Variants in MOK observed in about 807,000 individuals in gnomAD.
The protein encoded by MOK is MAPK/MAK/MRK overlapping kinase.
MOK carries 59 observed loss-of-function variants against 54.2 expected under a neutral mutation model. The ratio of observed to expected loss-of-function variants is 1.09; its 90% CI spans 0.88 to 1.35. MOK has a LOEUF of 1.35. MOK is among the 40% of genes most tolerant of loss of function. The pLI is 0.00. For synonymous variants in MOK, 210 were observed against 202.7 expected, an observed-to-expected ratio of 1.04 and a Z score of -0.31; for missense variants, 517 against 526.2, an observed-to-expected ratio of 0.98 and a Z score of 0.17.
intron 1 of MOK, among the ~76,000 whole-genome samples, chr14:102,286,324 A>G (rs2070086998): frequency 7.3e-6 from 1 of 137,782 alleles, no homozygotes; most frequent in Admixed American, 7.4e-5. Flanking sequence ...AAAAAAAAAA[A>G]AGATGTGCAT....
At position 102,256,241 on chromosome 14, in the gene MOK, C is replaced by T. The variant is rs1032099043; in HGVS notation, c.284-4246G>A. ...CCTCCTGAGTAGTTGGGTCTACAGG[C>T]GTGTGCCACCACACCCGGATGCTTT... is the stretch of plus-strand genomic sequence containing the variant. On this transcript the variant is annotated intron_variant, in intron 4 of 11. Coordinates refer to ENST00000361847, the MANE Select transcript of MOK (RefSeq NM_014226.3). 8.6e-5 allele frequency among the ~76,000 whole-genome samples: 13 copies of T among 151,938 alleles called. No individual in the cohort carries two copies. The South Asian group carries it at 1.9e-3, about 22-fold the overall frequency.
intron 1 of MOK, among the ~76,000 whole-genome samples, chr14:102,288,237 G>C (rs1369433183): frequency 6.6e-6 from 1 of 152,192 alleles, no homozygotes; most frequent in Non-Finnish European, 1.5e-5. Context: ...GTAAGTGAAT[G>C]TTCACAGTAG....
intron 1 of MOK, among the ~76,000 whole-genome samples, chr14:102,292,197 G>C (rs1228467150): frequency 6.6e-6 from 1 of 151,816 alleles, no homozygotes; most frequent in Non-Finnish European, 1.5e-5. Flanking sequence ...ACATAGGCCG[G>C]GTGCGGTGGC....
the MOK span, among the ~76,000 whole-genome samples, chr14:102,217,651 G>A: frequency 6.6e-6 from 1 of 152,238 alleles, no homozygotes; most frequent in Non-Finnish European, 1.5e-5. Context: ...TGCCGCTTGT[G>A]TGATGTAGAG....
At chr14:102,242,857 C>G (rs1036015840) in intron 7 of MOK, among the ~76,000 whole-genome samples, 1 of 152,172 alleles carries the variant, frequency 6.6e-6, no homozygotes, top group African/African-American at 2.4e-5. Context: ...ACCCATTATT[C>G]TGTTCTGGGT....
At chr14:102,259,699 C>A (rs1300856638) in intron 4 of MOK, among the ~76,000 whole-genome samples, 2 of 152,096 alleles carry the variant, frequency 1.3e-5, no homozygotes, top group Non-Finnish European at 2.9e-5. Context: ...TAACCTTGGA[C>A]AAGCAACTTA....
intron 2 of MOK, among the ~76,000 whole-genome samples, chr14:102,268,663 C>A (rs1468135877): frequency 2.0e-5 from 3 of 152,104 alleles, no homozygotes; most frequent in Non-Finnish European, 4.4e-5. Flanking sequence ...TGCCTGTAAT[C>A]CCAGCACTTT....
At chr14:102,237,522 C>T (rs1040131197) in intron 7 of MOK, among the ~76,000 whole-genome samples, 2 of 152,274 alleles carry the variant, frequency 1.3e-5, no homozygotes, top group Admixed American at 1.3e-4. Context: ...CCAACTTTGC[C>T]CTCCTAGCTC....
intron 4 of MOK, among the ~76,000 whole-genome samples, chr14:102,255,689 G>C (rs915920489): frequency 2.0e-5 from 3 of 152,126 alleles, no homozygotes; most frequent in African/African-American, 7.2e-5. Flanking sequence ...AACTTTCCGG[G>C]CCCAAGACTA....
intron 2 of MOK, among the ~76,000 whole-genome samples, chr14:102,267,545 AACAGAGTGAG>A (rs2153141595): frequency 6.6e-6 from 1 of 152,326 alleles, no homozygotes; most frequent in Admixed American, 6.5e-5. Context: ...CAGCCTGGGC[AACAGAGTGAG>A]ACTCCATCTC....
chr14:102,272,907 C>T (rs1169400508), intron 2 of MOK, among the ~76,000 whole-genome samples: 1 of 152,234 alleles, frequency 6.6e-6, no homozygotes, highest in Admixed American at 6.5e-5. Flanking sequence ...CACAGTGGCT[C>T]ACGCCTGTAA....
chr14:102,224,128 G>A (rs575733030), downstream of MOK, among the ~76,000 whole-genome samples: 4 of 144,306 alleles, frequency 2.8e-5, no homozygotes, highest in East Asian at 2.1e-4. Context: ...TGCAAGCTCC[G>A]CCTCCCGGGT....
chr14:102,250,760 C>G lies in MOK; in HGVS notation c.590+52G>C, dbSNP rs185364706. The G allele has an allele frequency of 7.6e-4, 1,196 of 1,568,302 alleles. 10 individuals carry two copies. In the African/African-American group the frequency reaches 0.014, roughly 19 times the overall value. On this transcript the variant is annotated intron_variant, in intron 7 of 11. Coordinates refer to ENST00000361847, the MANE Select transcript of MOK (RefSeq NM_014226.3). ...TGTAAAGGAAGGAGCACGAGCCTGGCTGCTGCACCGCTCCGCCGCAGGAAC... is the reference window on the plus strand; with the variant it reads ...TGTAAAGGAAGGAGCACGAGCCTGGGTGCTGCACCGCTCCGCCGCAGGAAC...
chr14:102,226,206 G>T, downstream of MOK: 1 of 622,006 alleles, frequency 1.6e-6, no homozygotes, highest in Non-Finnish European at 2.9e-6. This position sits in a 1 kb window ranked among gnomAD's most constrained non-coding sequence, Gnocchi z 4.8. Context: ...CCAGTGTGGG[G>T]TGTGACTGGG....
chr14:102,274,903 A>C lies in MOK; in HGVS notation c.122+8575T>G, dbSNP rs1301657893. 2.0e-5 allele frequency among the ~76,000 whole-genome samples: 3 copies of C among 150,464 alleles called. No individual in the cohort carries two copies. The Admixed American group carries it at 2.0e-4, about 10-fold the overall frequency. On this transcript the variant is annotated intron_variant, in intron 2 of 11. Coordinates refer to ENST00000361847, the MANE Select transcript of MOK (RefSeq NM_014226.3). ...GGCAGGAGAATTGCTTGAAACCAGG[A>C]GGCAGAGGTTGCAGTGAGCCGAGAT...
intron 1 of MOK, among the ~76,000 whole-genome samples, chr14:102,299,806 A>G (rs972586046): frequency 7.2e-5 from 11 of 151,870 alleles, no homozygotes; most frequent in Admixed American, 7.2e-4. Context: ...CTGGTCTCAG[A>G]CTCCTGGATT....
At chr14:102,271,300 G>A (rs1329551719) in intron 2 of MOK, among the ~76,000 whole-genome samples, 1 of 152,076 alleles carries the variant, frequency 6.6e-6, no homozygotes, top group African/African-American at 2.4e-5. Flanking sequence ...TGATACAGAT[G>A]TGCCTTGAGG....
In MOK at chr14:102,238,232, C is replaced by G. The variant is rs1258685278; in HGVS notation, c.591-4443G>C. ...CGAGTAATTGAAGCTAAGCCCCTAC[C>G]TCCAGGAACCTCCTCTCAAAAAGCA... is the stretch of plus-strand genomic sequence containing the variant. On this transcript the variant is annotated intron_variant, in intron 7 of 11. Coordinates refer to ENST00000361847, the MANE Select transcript of MOK (RefSeq NM_014226.3). This position sits in a 1 kb window ranked among gnomAD's most constrained non-coding sequence, Gnocchi z 4.8. 1 of 152,292 alleles carries G rather than the reference C, an allele frequency of 6.6e-6. No individual in the cohort carries two copies. Among genetic ancestry groups the G allele is most frequent in the Non-Finnish European group, 1.5e-5 (1 of 68,100 alleles). 9.4% of individuals were successfully genotyped at this position (152,292 alleles called of 1,614,324 possible).
intron 2 of MOK, among the ~76,000 whole-genome samples, chr14:102,278,327 A>AG (rs2069077031): frequency 6.6e-6 from 1 of 151,488 alleles, no homozygotes; most frequent in African/African-American, 2.4e-5. Flanking sequence ...CTGGATACCT[A>AG]GGGCTGCTGT....
Sources: allele counts gnomAD v4.1 joint callset (sites outside exome capture counted in the v4.1 genomes callset), GRCh38; gene constraint gnomAD v4.1.1; non-coding constraint Gnocchi (gnomAD v3.1); transcripts MANE v1.5; gene names NCBI Gene and HGNC (gene_info 2026-07-23, HGNC 2026-07-21).